USP3: variants seen among roughly 807,000 people sequenced by gnomAD.
The protein encoded by USP3 is ubiquitin specific peptidase 3, also known as ubiquitin carboxyl-terminal hydrolase 3.
A neutral mutation model predicts 72.3 loss-of-function variants in USP3; 20 were observed. That is an observed-to-expected ratio of 0.28 (90% confidence interval 0.19 to 0.40). USP3 has a LOEUF of 0.40. Ranked by LOEUF, USP3 falls within the 10% of genes least tolerant of loss-of-function variation. The pLI, the probability that USP3 is intolerant of heterozygous loss-of-function variation, is 1.00. For missense variants in USP3, 479 were observed against 633.9 expected (o/e 0.76, Z 2.62); for synonymous variants, 222 against 225.3 (o/e 0.99, Z 0.13).
chr15:63,530,424 C>T (rs148679805), intron 1 of USP3: 105 of 274,328 alleles, frequency 3.8e-4, no homozygotes, highest in African/African-American at 2.4e-3. Context: ...TTCCTGGGCT[C>T]AATTGATCCT....
chr15:63,538,549 C>CT (rs746038629), intron 3 of USP3, among the ~76,000 whole-genome samples: 6,453 of 137,148 alleles, frequency 0.047, 455 homozygotes, highest in African/African-American at 0.15. Context: ...AGGTCTTTTA[C>CT]TTTTTTTTTT....
chr15:63,590,944 AGTTTT>A lies in USP3; in HGVS notation c.*121_*125del. Reference sequence around the variant, plus strand: ...CTTTTCAATTTCCTATTTTGGATTTAGTTTTGTCAATGGTAGTGACTTACTGAACA... The same window carrying A: ...CTTTTCAATTTCCTATTTTGGATTTAGTCAATGGTAGTGACTTACTGAACA... On this transcript the variant is annotated 3_prime_UTR_variant, in exon 15 of 15. Transcript: ENST00000380324. 5 of 1,308,638 alleles carry A rather than the reference AGTTTT, an allele frequency of 3.8e-6. No individual in the cohort carries two copies. In the South Asian group the frequency reaches 9.3e-5, roughly 24 times the overall value. 81.1% of individuals were successfully genotyped at this position (1,308,638 alleles called of 1,614,324 possible).
intron 3 of USP3, chr15:63,551,940 G>C (rs1471748994): frequency 6.6e-6 from 1 of 152,030 alleles, no homozygotes; most frequent in African/African-American, 2.4e-5. Flanking sequence ...TTATGACCAA[G>C]GCTGACTTCA....
At chr15:63,573,981 GTT>G in intron 9 of USP3, 63 bp from the exon 10 acceptor site, 1 of 1,187,408 alleles carries the variant, frequency 8.4e-7, no homozygotes, top group Non-Finnish European at 1.2e-6. Context: ...AATATTTGTA[GTT>G]TTTTAAATGT....
intron 11 of USP3, among the ~76,000 whole-genome samples, chr15:63,578,615 AAAAAAAAAAAAAAG>A (rs1333122362): frequency 6.9e-6 from 1 of 144,904 alleles, no homozygotes; most frequent in African/African-American, 2.7e-5. Flanking sequence ...CCGTCTCAGA[AAAAAAAAAAAAAAG>A]AAGAAAAAAA....
intron 4 of USP3, 137 bp from the exon 5 acceptor site, chr15:63,556,530 G>A (rs183577764): frequency 3.3e-4 from 182 of 545,586 alleles, no homozygotes; most frequent in South Asian, 9.7e-4. Flanking sequence ...ATACGTGTGG[G>A]CCCCAGTAGG....
chr15:63,556,397 G>C (rs540709264), intron 4 of USP3: 1 of 308,544 alleles, frequency 3.2e-6, no homozygotes, highest in East Asian at 5.3e-5. Context: ...TGAGAGTGGT[G>C]GTGGGGAGTG....
chr15:63,543,352 A>G lies in USP3; in HGVS notation c.284+6196A>G, dbSNP rs180819578. Among the ~76,000 whole-genome samples, 49 of 152,312 alleles carry G rather than the reference A, an allele frequency of 3.2e-4. No homozygotes were observed. In the East Asian group the frequency reaches 5.8e-3, roughly 18 times the overall value. On this transcript the variant is annotated intron_variant, in intron 3 of 14. Transcript: ENST00000380324. The stretch of plus-strand genomic sequence containing the variant: ...AAGTAACATTTTTTGAGAAGCTACT[A>G]TGTGCTAGGGACCTAGTTTTTAGTG...
chr15:63,572,140 T>C (rs921656535), intron 9 of USP3, among the ~76,000 whole-genome samples: 1 of 151,990 alleles, frequency 6.6e-6, no homozygotes, highest in Admixed American at 6.5e-5. Context: ...GTGGTTATAA[T>C]AAATGAAACT....
intron 14 of USP3, 85 bp from the exon 15 acceptor site, chr15:63,590,576 A>AAATTTAAATCTAACATTATATAGTT: frequency 7.8e-7 from 1 of 1,284,602 alleles, no homozygotes; most frequent in Middle Eastern, 2.1e-4. Flanking sequence ...ATTCTTATTA[A>AAATTTAAATCTAACATTATATAGTT]AATTTAAATC....
intron 1 of USP3, 45 bp downstream of exon 1, chr15:63,504,875 G>C (rs1358373149): frequency 1.4e-6 from 2 of 1,477,972 alleles, no homozygotes; most frequent in African/African-American, 2.9e-5. Context: ...CCGAGGCCGC[G>C]GCTCTGCCGG....
At chr15:63,590,599 G>A in intron 14 of USP3, 62 bp from the exon 15 acceptor site, 1 of 1,411,706 alleles carries the variant, frequency 7.1e-7, no homozygotes, top group Non-Finnish European at 9.4e-7. Context: ...ACATTATATA[G>A]TTGTACAGGT....
chr15:63,556,061 C>A (rs1380396200), intron 4 of USP3, among the ~76,000 whole-genome samples: 1 of 152,114 alleles, frequency 6.6e-6, no homozygotes, highest in Non-Finnish European at 1.5e-5. Context: ...ATATTTCTTA[C>A]ATCAAGAAAA....
intron 8 of USP3, among the ~76,000 whole-genome samples, chr15:63,568,237 A>T (rs2066725104): frequency 6.6e-6 from 1 of 151,948 alleles, no homozygotes; most frequent in Admixed American, 6.6e-5. Context: ...CTGTAATCCC[A>T]GCTACTCTGG....
Position 63,553,602 on chromosome 15 carries a change from T to C in USP3, c.285-113T>C, listed in dbSNP as rs1364257876. On this transcript the variant is annotated intron_variant, in intron 3 of 14. Transcript: ENST00000380324. This position sits in a 1 kb window ranked among gnomAD's most constrained non-coding sequence, Gnocchi z 4.2. ...TCCTCTTTAAACTTACCACCAGCAG[T>C]AACTGCCTGCAGAGCCATGTGATCA... The C allele has an allele frequency of 6.0e-6, 5 of 831,836 alleles. No homozygotes were observed. Among genetic ancestry groups the C allele is most frequent in the Non-Finnish European group, 8.6e-6 (5 of 578,848 alleles). The allele number at this position is 831,836 out of a possible 1,614,324, so 51.5% of individuals were successfully genotyped here.
intron 9 of USP3, among the ~76,000 whole-genome samples, chr15:63,573,060 C>T (rs1460084894): frequency 2.0e-5 from 3 of 152,112 alleles, no homozygotes; most frequent in Admixed American, 6.5e-5. Context: ...CTCACTGGTA[C>T]GCTTTCTCAG....
intron 1 of USP3, among the ~76,000 whole-genome samples, chr15:63,505,263 G>A (rs2065696130): frequency 6.6e-6 from 1 of 152,154 alleles, no homozygotes; most frequent in South Asian, 2.1e-4. Flanking sequence ...TCCGCAGACA[G>A]GGCGGGAAGA....
chr15:63,592,210 C>G lies in USP3; in HGVS notation c.*1384C>G, dbSNP rs192115687. On this transcript the variant is annotated 3_prime_UTR_variant, in exon 15 of 15. Transcript: ENST00000380324. Reference sequence around the variant, plus strand: ...TGCTGAGATTACAGGCGTGAGCCATCACGCCCAGACAGTTTTGTTTTTAAA... The same window carrying G: ...TGCTGAGATTACAGGCGTGAGCCATGACGCCCAGACAGTTTTGTTTTTAAA... The G allele has an allele frequency of 6.6e-6, 1 of 152,204 alleles. No individual in the cohort carries two copies. The highest frequency in any genetic ancestry group is 1.5e-5 in the Non-Finnish European group (1 of 68,034). The allele number at this position is 152,204 out of a possible 1,614,324, so 9.4% of individuals were successfully genotyped here. A position where few individuals can be genotyped will look rare whatever the true frequency, so the allele number is the denominator to read the frequency against.
At position 63,590,991 on chromosome 15, in the gene USP3, T is replaced by C. The variant is rs1485188404; in HGVS notation, c.*165T>C. ...TACTGAACATGGGCACCAACTAATT[T>C]TGTTGTTGTTCTACCAGAAAACCTC... On this transcript the variant is annotated 3_prime_UTR_variant, in exon 15 of 15. Transcript: ENST00000380324. 1.2e-6 allele frequency: 1 copy of C among 807,638 alleles called. No individual in the cohort carries two copies. Among genetic ancestry groups the C allele is most frequent in the Non-Finnish European group, 1.7e-6 (1 of 575,918 alleles). The allele number at this position is 807,638 out of a possible 1,614,324, so 50.0% of individuals were successfully genotyped here. A position where few individuals can be genotyped will look rare whatever the true frequency, so the allele number is the denominator to read the frequency against.
Sources: gnomAD v4.1 joint callset for allele counts (sites outside exome capture counted in the v4.1 genomes callset) on GRCh38, gnomAD v4.1.1 for gene constraint, Gnocchi (gnomAD v3.1) non-coding constraint, MANE v1.5 for transcripts, NCBI Gene and HGNC (gene_info 2026-07-23, HGNC 2026-07-21) for gene names.